NAA25: variants seen among roughly 807,000 people sequenced by gnomAD.
NAA25 encodes the protein N-terminal acetyltransferase B complex subunit NAA25.
NAA25 carries 30 observed loss-of-function variants against 132.5 expected under a neutral mutation model. The observed-to-expected ratio is 0.23, with a 90% CI of 0.17 to 0.31. NAA25 has a LOEUF of 0.31. Ranked by LOEUF, NAA25 falls within the 10% of genes least tolerant of loss-of-function variation. NAA25 has a pLI of 1.00. For missense variants in NAA25, 771 were observed against 1,150.4 expected, an observed-to-expected ratio of 0.67 and a Z score of 4.77; for synonymous variants, 359 against 401.9, an observed-to-expected ratio of 0.89 and a Z score of 1.28.
At chr12:112,080,062 C>T (rs554895522) in intron 5 of NAA25, among the ~76,000 whole-genome samples, 85 of 151,716 alleles carry the variant, frequency 5.6e-4, no homozygotes, top group African/African-American at 1.9e-3. Context: ...GGGCGGATCA[C>T]GAGGTCAGGA....
At chr12:112,105,378 G>A (rs140059338) in intron 1 of NAA25, among the ~76,000 whole-genome samples, 168 of 152,264 alleles carry the variant, frequency 1.1e-3, no homozygotes, top group Non-Finnish European at 2.1e-3. Context: ...TGGGAACTAC[G>A]TAGCAAAAGA....
At chr12:112,077,421 C>T (rs190227134) in intron 7 of NAA25, among the ~76,000 whole-genome samples, 3 of 150,396 alleles carry the variant, frequency 2.0e-5, no homozygotes, top group Non-Finnish European at 3.0e-5. Context: ...TGCAGTGAGC[C>T]GAGATCGCAC....
chr12:112,059,492 C>T (rs2078594378), intron 13 of NAA25, among the ~76,000 whole-genome samples: 1 of 152,162 alleles, frequency 6.6e-6, no homozygotes, highest in Non-Finnish European at 1.5e-5. Flanking sequence ...GTACCATTTG[C>T]TGAATCATCC....
chr12:112,033,165 G>C (rs2078172233), intron 23 of NAA25, 68 bp downstream of exon 23: 4 of 1,451,090 alleles, frequency 2.8e-6, no homozygotes, highest in Non-Finnish European at 3.7e-6. Context: ...TTGTGATAAA[G>C]ATGAGAGAGA....
intron 10 of NAA25, 68 bp downstream of exon 10, chr12:112,071,827 A>AT: frequency 8.9e-7 from 1 of 1,122,190 alleles, no homozygotes; most frequent in Non-Finnish European, 1.2e-6. Context: ...TGTAGATCTC[A>AT]ACTAATGAAT....
In NAA25 at chr12:112,027,040, A is replaced by T. The variant is rs927792815; in HGVS notation, c.*2491T>A. 3 of 152,652 alleles carry T rather than the reference A, an allele frequency of 2.0e-5. No homozygotes were observed. Among genetic ancestry groups the T allele is most frequent in the Admixed American group, 6.5e-5 (1 of 15,286 alleles). The allele number at this position is 152,652 out of a possible 1,614,324, so 9.5% of individuals were successfully genotyped here. ...TTTCTCTACCTTTTATCTACATCAG[A>T]TAAATGATTTAAACCAAATGTTTGC... On this transcript the variant is annotated 3_prime_UTR_variant, in exon 24 of 24. Coordinates refer to ENST00000261745, the MANE Select transcript of NAA25 (RefSeq NM_024953.4).
intron 12 of NAA25, among the ~76,000 whole-genome samples, chr12:112,060,755 A>G (rs1264644280): frequency 6.6e-6 from 1 of 152,236 alleles, no homozygotes; most frequent in Non-Finnish European, 1.5e-5. Flanking sequence ...AGACAATTAT[A>G]TGTCTATCAC....
intron 1 of NAA25, among the ~76,000 whole-genome samples, chr12:112,098,709 T>G (rs1378666107): frequency 6.6e-6 from 1 of 152,118 alleles, no homozygotes. Context: ...CCAAATGAAA[T>G]GTTTTTAGTC....
chr12:112,106,732 C>T (rs1280688378), intron 1 of NAA25, among the ~76,000 whole-genome samples: 1 of 147,778 alleles, frequency 6.8e-6, no homozygotes, highest in Non-Finnish European at 1.5e-5. Context: ...TGAGGCAGGA[C>T]TGCTTGAGCT....
chr12:112,074,166 C>A (rs2078858577), intron 9 of NAA25, among the ~76,000 whole-genome samples: 1 of 151,774 alleles, frequency 6.6e-6, no homozygotes, highest in Non-Finnish European at 1.5e-5. Context: ...CACGGTGAAA[C>A]CCCGTCTCTA....
intron 14 of NAA25, 136 bp from the exon 15 acceptor site, chr12:112,053,793 G>C: frequency 3.1e-5 from 6 of 194,994 alleles, no homozygotes; most frequent in East Asian, 9.2e-5. Flanking sequence ...TACTCCCACA[G>C]AAATGATCTA....
At chr12:112,087,590 C>T in intron 4 of NAA25, 93 bp downstream of exon 4, 1 of 788,894 alleles carries the variant, frequency 1.3e-6, no homozygotes, top group South Asian at 1.7e-5. Context: ...CAATTCTACA[C>T]ACACACATAC....
intron 17 of NAA25, among the ~76,000 whole-genome samples, chr12:112,046,638 A>C (rs776715799): frequency 2.6e-5 from 4 of 152,248 alleles, no homozygotes; most frequent in African/African-American, 4.8e-5. Flanking sequence ...ATCTTGATAC[A>C]TATCACTACA....
At chr12:112,099,299 C>G (rs186409955) in intron 1 of NAA25, among the ~76,000 whole-genome samples, 2 of 134,334 alleles carry the variant, frequency 1.5e-5, no homozygotes, top group Non-Finnish European at 3.1e-5. Flanking sequence ...TTTTTTTTTT[C>G]CAGAAGGAAG....
intron 16 of NAA25, 107 bp downstream of exon 16, chr12:112,048,184 TC>T: frequency 1.9e-6 from 2 of 1,060,622 alleles, no homozygotes; most frequent in African/African-American, 1.6e-5. Context: ...CTCCCTTTTT[TC>T]CCCCTATTTT....
At chr12:112,073,968 G>A (rs2078855656) in intron 9 of NAA25, among the ~76,000 whole-genome samples, 1 of 152,122 alleles carries the variant, frequency 6.6e-6, no homozygotes, top group African/African-American at 2.4e-5. Context: ...AGATGTTCAA[G>A]ATATATTTCA....
intron 1 of NAA25, among the ~76,000 whole-genome samples, chr12:112,107,199 G>A (rs376080764): frequency 6.6e-6 from 1 of 152,082 alleles, no homozygotes; most frequent in South Asian, 2.1e-4. Context: ...GGCAGAGGGT[G>A]CAGTGAACTG....
At chr12:112,081,300 A>G (rs2078970681) in intron 4 of NAA25, among the ~76,000 whole-genome samples, 166 bp from the exon 5 acceptor site, 1 of 152,230 alleles carries the variant, frequency 6.6e-6, no homozygotes, top group African/African-American at 2.4e-5. Flanking sequence ...CAGTAATCAC[A>G]AAGGTGAATT....
At chr12:112,067,607 G>A (rs1455678494) in intron 11 of NAA25, among the ~76,000 whole-genome samples, 1 of 152,080 alleles carries the variant, frequency 6.6e-6, no homozygotes, top group Non-Finnish European at 1.5e-5. Context: ...CTACTCAGGA[G>A]GCTGAGGCAC....
Sources: gnomAD v4.1 joint callset for allele counts (sites outside exome capture counted in the v4.1 genomes callset) on GRCh38, gnomAD v4.1.1 for gene constraint, MANE v1.5 for transcripts, NCBI Gene and HGNC (gene_info 2026-07-23, HGNC 2026-07-21) for gene names.